Variants in SH2B1 observed in about 807,000 individuals in gnomAD.
SH2B1 encodes SH2B adaptor protein 1.
In SH2B1, 15 loss-of-function variants were observed where a neutral mutation model predicts 62.6. That is an observed-to-expected ratio of 0.24 (90% CI 0.16 to 0.37). The LOEUF is 0.37. SH2B1 is among the 10% of genes least tolerant of loss of function. The pLI, the probability that SH2B1 is intolerant of heterozygous loss-of-function variation, is 1.00. For missense variants in SH2B1, 925 were observed against 1,015.6 expected (o/e 0.91, Z 1.21); for synonymous variants, 443 against 438.0 (o/e 1.01, Z -0.14).
rs576147386 is a variant in SH2B1, at chr16:28,858,715, A to G, written c.-300-2903A>G. On this transcript the variant is annotated intron_variant, in intron 1 of 10. Coordinates refer to the SH2B1 transcript ENST00000322610. ...AGCACTCTGGGAGGCCAAGTCGGGC[A>G]GATCACTTGAGGCTGGGAGTTCGGG... 2.6e-5 allele frequency among the ~76,000 whole-genome samples: 4 copies of G among 152,190 alleles called. No homozygotes were observed. In the East Asian group the frequency reaches 7.8e-4, roughly 30 times the overall value.
At chr16:28,851,860 A>G (rs2152154327) in intron 1 of SH2B1, among the ~76,000 whole-genome samples, 1 of 148,314 alleles carries the variant, frequency 6.7e-6, no homozygotes, top group East Asian at 2.2e-4. Context: ...CGAGGTCAGG[A>G]GTTCGAGACC....
intron 1 of SH2B1, among the ~76,000 whole-genome samples, chr16:28,847,017 C>T (rs1167535126): frequency 6.6e-6 from 1 of 152,186 alleles, no homozygotes; most frequent in East Asian, 1.9e-4. Context: ...GGTCAGGCAG[C>T]TTGCGGGGAC....
At chr16:28,853,522 C>CT (rs543507752) in intron 1 of SH2B1, among the ~76,000 whole-genome samples, 38,207 of 127,046 alleles carry the variant, frequency 0.3, 6,758 homozygotes, top group Non-Finnish European at 0.39. Context: ...CCCACTTTTT[C>CT]TTTTTTTTTT....
intron 2 of SH2B1, 102 bp downstream of exon 2, chr16:28,867,534 G>GT: frequency 2.4e-6 from 2 of 827,766 alleles, no homozygotes; most frequent in Non-Finnish European, 4.2e-6. Context: ...ATATATATGT[G>GT]TCCAGTGCCT....
chr16:28,863,969 C>T lies in SH2B1; in HGVS notation c.-2126C>T, dbSNP rs1962544487. The T allele has an allele frequency of 3.5e-6, 5 of 1,441,458 alleles. No homozygotes were observed. The highest frequency in any genetic ancestry group is 2.5e-5 in the East Asian group (1 of 39,752). 89.3% of individuals were successfully genotyped at this position (1,441,458 alleles called of 1,614,324 possible). A position where few individuals can be genotyped will look rare whatever the true frequency, so the allele number is the denominator to read the frequency against. On this transcript the variant is annotated 5_prime_UTR_variant, in exon 1 of 8. Coordinates refer to ENST00000684370, the MANE Select transcript of SH2B1 (RefSeq NM_001387430.1). ...AGGTGGGACCGGAACCGGAACCCCC[C>T]TCTTCAAGTACCTTTTCCCTCTCCG...
In SH2B1 at chr16:28,864,335, C is replaced by G; in HGVS notation, c.-1760C>G. The G allele has an allele frequency of 2.0e-6, 2 of 992,994 alleles. No individual in the cohort carries two copies. The highest frequency in any genetic ancestry group is 2.4e-6 in the Non-Finnish European group (2 of 834,394). 61.5% of individuals were successfully genotyped at this position (992,994 alleles called of 1,614,324 possible). On this transcript the variant is annotated 5_prime_UTR_variant, in exon 1 of 8. Coordinates refer to ENST00000684370, the MANE Select transcript of SH2B1 (RefSeq NM_001387430.1). ...AACTGAGTCACCAGCTTAGGAGTCG[C>G]AGGGTCAGCGGGCCTGAAGGGGGCT...
At position 28,864,655 on chromosome 16, in the gene SH2B1, G is replaced by T. The variant is rs1285308715; in HGVS notation, c.-1440G>T. 7 of 985,304 alleles carry T rather than the reference G, an allele frequency of 7.1e-6. No homozygotes were observed. In the East Asian group the frequency reaches 6.8e-4, roughly 95 times the overall value. The allele number at this position is 985,304 out of a possible 1,614,324, so 61.0% of individuals were successfully genotyped here. A position where few individuals can be genotyped will look rare whatever the true frequency, so the allele number is the denominator to read the frequency against. ...GCTTTCCTGAGCTGCTCTGGCCCCA[G>T]TCCTGGGGCTGTCACCTTCCAGTAT... is the stretch of plus-strand genomic sequence containing the variant. On this transcript the variant is annotated 5_prime_UTR_variant, in exon 1 of 8. Coordinates refer to ENST00000684370, the MANE Select transcript of SH2B1 (RefSeq NM_001387430.1).
At chr16:28,869,513 C>T in intron 4 of SH2B1, 130 bp downstream of exon 4, 1 of 784,882 alleles carries the variant, frequency 1.3e-6, no homozygotes, top group Non-Finnish European at 2.0e-6. Flanking sequence ...TACCCCAACC[C>T]CACCAAATGT....
Position 28,866,854 on chromosome 16 carries a change from A to G in SH2B1, c.760A>G (p.Ser254Gly). Residue 254 changes from serine (S) to glycine (G), a missense_variant, in exon 1 of 8, where the codon AGT becomes GGT. Coordinates refer to ENST00000684370, the MANE Select transcript of SH2B1 (RefSeq NM_001387430.1). The surrounding 1 kb of genome is among the most constrained non-coding windows in gnomAD (Gnocchi z 6.3). ...AGMVQREELL[S>G]FMGAEEAAPD... Reference sequence around the variant, plus strand: ...GATGGTGCAGAGGGAAGAGCTGCTGAGTTTCATGGGGGCTGAGGAGGCAGC... The same window carrying G: ...GATGGTGCAGAGGGAAGAGCTGCTGGGTTTCATGGGGGCTGAGGAGGCAGC... The G allele has an allele frequency of 6.2e-7, 1 of 1,606,202 alleles. No individual in the cohort carries two copies. The highest frequency in any genetic ancestry group is 1.3e-5 in the African/African-American group (1 of 74,808).
At chr16:28,861,408 C>A (rs1391263450), upstream of SH2B1, among the ~76,000 whole-genome samples, 1 of 149,990 alleles carries the variant, frequency 6.7e-6, no homozygotes, top group Non-Finnish European at 1.5e-5. Context: ...GGATTACAGG[C>A]GTGAGCCACT....
chr16:28,851,291 G>A (rs971947031), intron 1 of SH2B1, among the ~76,000 whole-genome samples: 1 of 150,402 alleles, frequency 6.6e-6, no homozygotes, highest in Non-Finnish European at 1.5e-5. Context: ...CCACACCTAC[G>A]CTCCTCCCCA....
In SH2B1 at chr16:28,852,502, A is replaced by T. The variant is rs369525540; in HGVS notation, c.-301+5675A>T. Reference sequence around the variant, plus strand: ...TATTTATATATACATACATATATTTATATATATACACATATATTTATATAT... The same window carrying T: ...TATTTATATATACATACATATATTTTTATATATACACATATATTTATATAT... On this transcript the variant is annotated intron_variant, in intron 1 of 10. Coordinates refer to the SH2B1 transcript ENST00000322610. 1.1e-3 allele frequency among the ~76,000 whole-genome samples: 36 copies of T among 32,938 alleles called. 9 individuals carry two copies. The highest frequency in any genetic ancestry group is 5.5e-3 in the South Asian group (3 of 542). The allele number at this position is 32,938 out of a possible 152,430, so 21.6% of individuals were successfully genotyped here. A position where few individuals can be genotyped will look rare whatever the true frequency, so the allele number is the denominator to read the frequency against.
At position 28,865,930 on chromosome 16, in the gene SH2B1, C is replaced by T. The variant is rs558890526; in HGVS notation, c.-165C>T. The T allele has an allele frequency of 5.6e-4, 796 of 1,417,130 alleles. 1 individual carries two copies. Among genetic ancestry groups the T allele is most frequent in the Non-Finnish European group, 6.8e-4 (747 of 1,091,002 alleles). 87.8% of individuals were successfully genotyped at this position (1,417,130 alleles called of 1,614,324 possible). ...CTGCGGAGTCTGAAGTAGGGTCGGA[C>T]GTCTCTGGCTGGGGGTGGGATGCAG... On this transcript the variant is annotated 5_prime_UTR_variant, in exon 1 of 8. The change creates a new upstream start codon in the 5' untranslated region. Transcript: ENST00000684370.
rs1005910400 is a variant in SH2B1, at chr16:28,864,576, A to C, written c.-1519A>C. On this transcript the variant is annotated 5_prime_UTR_variant, in exon 1 of 8. Coordinates refer to ENST00000684370, the MANE Select transcript of SH2B1 (RefSeq NM_001387430.1). ...GAGGAAGGGGAGGGTTCACCGACTT[A>C]CAGCCTGGCTGTAGGTTTGAACAGG... 1 of 985,506 alleles carries C rather than the reference A, an allele frequency of 1.0e-6. No homozygotes were observed. The highest frequency in any genetic ancestry group is 1.7e-5 in the African/African-American group (1 of 57,270). 61.0% of individuals were successfully genotyped at this position (985,506 alleles called of 1,614,324 possible). A position where few individuals can be genotyped will look rare whatever the true frequency, so the allele number is the denominator to read the frequency against.
At chr16:28,848,703 C>T (rs1205841100) in intron 1 of SH2B1, among the ~76,000 whole-genome samples, 1 of 135,684 alleles carries the variant, frequency 7.4e-6, no homozygotes, top group Non-Finnish European at 1.5e-5. Context: ...GACAGAGTCA[C>T]ACTCTGTTGC....
At chr16:28,868,800 T>TC (rs1962873519) in intron 2 of SH2B1, among the ~76,000 whole-genome samples, 1 of 152,042 alleles carries the variant, frequency 6.6e-6, no homozygotes, top group African/African-American at 2.4e-5. Context: ...AGGTTCTCAC[T>TC]ATGTTGCCCA....
At chr16:28,849,517 T>C (rs1455877151) in intron 1 of SH2B1, among the ~76,000 whole-genome samples, 1 of 152,148 alleles carries the variant, frequency 6.6e-6, no homozygotes, top group Non-Finnish European at 1.5e-5. Flanking sequence ...AATTAATGGT[T>C]TATATTTTTG....
At position 28,866,840 on chromosome 16, in the gene SH2B1, G is replaced by T. The variant is rs767403205; in HGVS notation, c.746G>T (p.Arg249Met). The stretch of plus-strand genomic sequence containing the variant: ...AAGGATGGAGCAGGGATGGTGCAGA[G>T]GGAAGAGCTGCTGAGTTTCATGGGG... ...ALKDGAGMVQ[R>M]EELLSFMGAE... is the part of the protein sequence containing the mutation. The change falls in exon 1 of 8, where the codon AGG becomes ATG. Residue 249 changes from arginine to methionine, a missense_variant. Physicochemically the swap from Arg to Met is moderately conservative, Grantham distance 91. Around this residue, in one of 3 missense-constraint regions of SH2B1, gnomAD observed 683 missense variants for 704.0 expected, o/e 0.97. Transcript: ENST00000684370. This position sits in a 1 kb window ranked among gnomAD's most constrained non-coding sequence, Gnocchi z 6.3. The T allele has an allele frequency of 1.2e-6, 2 of 1,602,030 alleles. No homozygotes were observed. The highest frequency in any genetic ancestry group is 3.3e-4 in the Middle Eastern group (2 of 5,986).
At chr16:28,867,513 C>G (rs376180935) in intron 2 of SH2B1, 81 bp downstream of exon 2, 1 of 1,017,390 alleles carries the variant, frequency 9.8e-7, no homozygotes, top group East Asian at 2.4e-5. Context: ...GTGGCGTCGC[C>G]GAAAGGAGGT....
Sources: gnomAD v4.1 joint callset for allele counts (sites outside exome capture counted in the v4.1 genomes callset) on GRCh38, gnomAD v4.1.1 for gene constraint, gnomAD v4.1.1 regional missense constraint, Gnocchi (gnomAD v3.1) non-coding constraint, MANE v1.5 for transcripts, NCBI Gene and HGNC (gene_info 2026-07-23, HGNC 2026-07-21) for gene names.